LHFPL6: variants seen among roughly 807,000 people sequenced by gnomAD.
LHFPL6 encodes the protein LHFPL tetraspan subfamily member 6.
Under a neutral mutation model 20.6 loss-of-function variants are expected in LHFPL6, and 9 were observed. The ratio of observed to expected loss-of-function variants is 0.44; its 90% confidence interval spans 0.26 to 0.76. The LOEUF is 0.76. LHFPL6 is among the 30% of genes least tolerant of loss of function. The pLI is 0.20. For synonymous variants in LHFPL6, 105 were observed against 98.7 expected, an observed-to-expected ratio of 1.06 and a Z score of -0.38; for missense variants, 218 against 253.5, an observed-to-expected ratio of 0.86 and a Z score of 0.95.
intron 2 of LHFPL6, among the ~76,000 whole-genome samples, chr13:39,440,826 G>A (rs1056411343): frequency 3.9e-5 from 6 of 152,120 alleles, no homozygotes; most frequent in East Asian, 3.9e-4. Context: ...ATTGAATTAC[G>A]GGGGCAGATC....
intron 2 of LHFPL6, among the ~76,000 whole-genome samples, chr13:39,424,055 A>AT (rs1871573150): frequency 6.6e-6 from 1 of 152,232 alleles, no homozygotes; most frequent in African/African-American, 2.4e-5. Flanking sequence ...ATGAGCCAGC[A>AT]TATGTATTAT....
chr13:39,466,510 C>T (rs576868878), intron 2 of LHFPL6, among the ~76,000 whole-genome samples: 35 of 152,200 alleles, frequency 2.3e-4, no homozygotes, highest in Non-Finnish European at 3.8e-4. Flanking sequence ...GGCTACTACA[C>T]AGGTCTTGAC....
At chr13:39,386,142 G>A (rs1870557673) in intron 2 of LHFPL6, among the ~76,000 whole-genome samples, 1 of 152,120 alleles carries the variant, frequency 6.6e-6, no homozygotes, top group Non-Finnish European at 1.5e-5. Flanking sequence ...CTTGCAGTCT[G>A]TTATCTGAAC....
chr13:39,470,949 A>G (rs1428872538), intron 2 of LHFPL6, among the ~76,000 whole-genome samples: 1 of 152,222 alleles, frequency 6.6e-6, no homozygotes, highest in African/African-American at 2.4e-5. Flanking sequence ...ATCAATATTC[A>G]GTGGACATCC....
intron 2 of LHFPL6, among the ~76,000 whole-genome samples, chr13:39,589,916 G>A (rs1872550804): frequency 6.6e-6 from 1 of 152,052 alleles, no homozygotes; most frequent in African/African-American, 2.4e-5. Context: ...TTGGCAAAAA[G>A]TTACTATATC....
intron 1 of LHFPL6, 49 bp downstream of exon 1, chr13:39,602,834 A>T (rs1873008769): frequency 6.6e-6 from 1 of 152,188 alleles, no homozygotes; most frequent in African/African-American, 2.4e-5. Flanking sequence ...GGAGCCCGGG[A>T]GAAAGCAGCG....
At chr13:39,566,731 TAAAAAAAAAAAA>T (rs3035077) in intron 2 of LHFPL6, among the ~76,000 whole-genome samples, 4 of 70,088 alleles carry the variant, frequency 5.7e-5, no homozygotes, top group African/African-American at 5.7e-5. Flanking sequence ...AGACCCTGTC[TAAAAAAAAAAAA>T]AAAAAAAAAA....
At chr13:39,470,672 A>G (rs1480530112) in intron 2 of LHFPL6, among the ~76,000 whole-genome samples, 4 of 152,200 alleles carry the variant, frequency 2.6e-5, no homozygotes, top group Non-Finnish European at 4.4e-5. Context: ...AATAGTTAAT[A>G]ACATAGACAA....
chr13:39,594,362 A>C (rs2138551725), intron 2 of LHFPL6, among the ~76,000 whole-genome samples: 1 of 152,344 alleles, frequency 6.6e-6, no homozygotes, highest in South Asian at 2.1e-4. Flanking sequence ...AAACACAAGG[A>C]AAAATGCTCA....
At chr13:39,358,397 G>C (rs553545533) in intron 3 of LHFPL6, among the ~76,000 whole-genome samples, 6 of 152,184 alleles carry the variant, frequency 3.9e-5, no homozygotes, top group Non-Finnish European at 8.8e-5. Flanking sequence ...AAATTAACTC[G>C]AGAGATTAAA....
chr13:39,599,857 A>G (rs1444946556), intron 2 of LHFPL6, among the ~76,000 whole-genome samples: 1 of 152,224 alleles, frequency 6.6e-6, no homozygotes, highest in Non-Finnish European at 1.5e-5. Flanking sequence ...CTGTAAGAAA[A>G]CACCAAATGA....
At chr13:39,456,957 C>T (rs1470311569) in intron 2 of LHFPL6, among the ~76,000 whole-genome samples, 7 of 152,118 alleles carry the variant, frequency 4.6e-5, no homozygotes, top group South Asian at 2.1e-4. Flanking sequence ...CCACCACGCC[C>T]GGCTAATTTT....
chr13:39,550,002 A>C (rs1318220097), intron 2 of LHFPL6, among the ~76,000 whole-genome samples: 1 of 152,094 alleles, frequency 6.6e-6, no homozygotes, highest in Non-Finnish European at 1.5e-5. Context: ...TGAGAATGCC[A>C]ATAAATGGGT....
At chr13:39,525,144 C>T (rs1408119664) in intron 2 of LHFPL6, among the ~76,000 whole-genome samples, 14 of 152,290 alleles carry the variant, frequency 9.2e-5, no homozygotes, top group African/African-American at 1.9e-4. Context: ...ACACAGTCCA[C>T]GGGCAGAAGG....
intron 2 of LHFPL6, among the ~76,000 whole-genome samples, chr13:39,580,710 G>T (rs1259836485): frequency 6.6e-6 from 1 of 152,080 alleles, no homozygotes; most frequent in African/African-American, 2.4e-5. Context: ...CTGATATTAG[G>T]TAACTTACAT....
chr13:39,520,429 G>C (rs761833079), intron 2 of LHFPL6, among the ~76,000 whole-genome samples: 1 of 152,138 alleles, frequency 6.6e-6, no homozygotes, highest in African/African-American at 2.4e-5. Context: ...TTCAGGAAGA[G>C]TGCTGTATGG....
chr13:39,367,897 A>C (rs903954228), intron 3 of LHFPL6, among the ~76,000 whole-genome samples: 1 of 152,252 alleles, frequency 6.6e-6, no homozygotes, highest in Admixed American at 6.5e-5. Flanking sequence ...CAAAACATCC[A>C]GTTGCTAACC....
chr13:39,504,665 G>A (rs1052847128), intron 2 of LHFPL6, among the ~76,000 whole-genome samples: 10 of 152,114 alleles, frequency 6.6e-5, no homozygotes, highest in African/African-American at 2.2e-4. Context: ...TTGGATTAAG[G>A]CCCTCTCTAA....
intron 2 of LHFPL6, among the ~76,000 whole-genome samples, chr13:39,405,541 T>G (rs1323968560): frequency 6.6e-6 from 1 of 152,214 alleles, no homozygotes; most frequent in African/African-American, 2.4e-5. Context: ...CCCAAATCCT[T>G]GACGATATAA....
Sources: allele counts gnomAD v4.1 joint callset (sites outside exome capture counted in the v4.1 genomes callset), GRCh38; gene constraint gnomAD v4.1.1; transcripts MANE v1.5; gene names NCBI Gene and HGNC (gene_info 2026-07-23, HGNC 2026-07-21).